The following PTPN23 variants were observed in gnomAD, a reference collection of about 807,000 sequenced individuals.
PTPN23 encodes tyrosine-protein phosphatase non-receptor type 23.
Under a neutral mutation model 156.3 loss-of-function variants are expected in PTPN23, and 72 were observed. The ratio of observed to expected loss-of-function variants is 0.46; its 90% CI spans 0.38 to 0.56. The LOEUF is 0.56. Among genes scored for constraint, PTPN23 ranks in the 20% least tolerant of loss-of-function variants. The pLI, the probability that PTPN23 is intolerant of heterozygous loss-of-function variation, is 0.00. For missense variants in PTPN23, 1,974 were observed against 2,171.5 expected, an observed-to-expected ratio of 0.91 and a Z score of 1.81; for synonymous variants, 957 against 899.6, an observed-to-expected ratio of 1.06 and a Z score of -1.14.
rs1704801974 is a variant in PTPN23 at position 47,392,818 on chromosome 3, G to GA, written c.85-3323dup. ...AAATTTCAAACATATAGAAAAATTG[G>GA]AAGAATAATTCAGTGCTCACCCAAA... On this transcript the variant is annotated intron_variant, in intron 1 of 24. Coordinates refer to ENST00000265562, the MANE Select transcript of PTPN23 (RefSeq NM_015466.4). Among the ~76,000 whole-genome samples, 3 of 152,138 alleles carry GA rather than the reference G, an allele frequency of 2.0e-5. No homozygotes were observed. The South Asian group carries it at 6.2e-4, about 32-fold the overall frequency.
At position 47,409,460 on chromosome 3, in the gene PTPN23, T is replaced by A; in HGVS notation, c.1841T>A (p.Val614Glu). Residue 614 changes from valine (V) to glutamate (E), a missense_variant, in exon 18 of 25, where the codon GTG (valine) becomes GAG (glutamate). Physicochemically the swap from Val to Glu is moderately radical, Grantham distance 121. Transcript: ENST00000265562. The stretch of plus-strand genomic sequence containing the variant: ...CTGAAAAAGTATGACCAGCTGAAGG[T>A]GTACCTGGAGCAGAACCTGGCCGCC... ...EQLKKYDQLK[V>E]YLEQNLAAQD... 1 of 1,614,048 alleles carries A rather than the reference T, an allele frequency of 6.2e-7. No homozygotes were observed.
rs1003495914 is a variant in PTPN23, at chr3:47,409,231, G to A, written c.1711G>A (p.Val571Met). The change falls in exon 17 of 25, where the codon GTG becomes ATG. Residue 571 changes from valine to methionine, a missense_variant. Coordinates refer to ENST00000265562, the MANE Select transcript of PTPN23 (RefSeq NM_015466.4). ...GGTGCAGGAGATGCGGGACCAGCGC[G>A]TGTCCCTGGAGCAGCAGCTGCGTGA... ...AKVQEMRDQR[V>M]SLEQQLRELI... 12 of 1,614,068 alleles carry A rather than the reference G, an allele frequency of 7.4e-6. No homozygotes were observed. The Admixed American group carries it at 1.5e-4, about 20-fold the overall frequency.
At chr3:47,396,302 G>T in intron 2 of PTPN23, 85 bp downstream of exon 2, 1 of 1,180,464 alleles carries the variant, frequency 8.5e-7, no homozygotes, top group South Asian at 1.3e-5. Flanking sequence ...GGCTGGGCAT[G>T]GTGGCTCAAC....
At position 47,410,238 on chromosome 3, in the gene PTPN23, C is replaced by T; in HGVS notation, c.2440C>T (p.Pro814Ser). 2 of 1,611,460 alleles carry T rather than the reference C, an allele frequency of 1.2e-6. No homozygotes were observed. Among genetic ancestry groups the T allele is most frequent in the Non-Finnish European group, 1.7e-6 (2 of 1,178,838 alleles). ...CAGGGCCCCAGGGCCCCATGCAATG[C>T]CCGTAGCACCTGGGCCTGCCCTCTA... ...QPRAPGPHAMPVAPGPALYPA... is the reference protein window; with the variant it reads ...QPRAPGPHAMSVAPGPALYPA... Residue 814 changes from proline (P) to serine (S), a missense_variant, in exon 20 of 25, where the codon CCC becomes TCC. Pro to Ser is a moderately conservative substitution (Grantham distance 74, BLOSUM62 -1). This residue lies in a region of PTPN23 where 731 missense variants were observed against 669.1 expected (regional missense o/e 1.09). Coordinates refer to ENST00000265562, the MANE Select transcript of PTPN23 (RefSeq NM_015466.4).
intron 2 of PTPN23, among the ~76,000 whole-genome samples, chr3:47,401,152 C>T (rs775911886): frequency 1.5e-4 from 23 of 150,868 alleles, no homozygotes; most frequent in Middle Eastern, 3.5e-3. Context: ...CCGCCTGCCT[C>T]GGCCTCCCAA....
At chr3:47,389,611 C>T (rs1051102515) in intron 1 of PTPN23, among the ~76,000 whole-genome samples, 2 of 151,988 alleles carry the variant, frequency 1.3e-5, no homozygotes, top group African/African-American at 4.8e-5. Flanking sequence ...GAGGCCGAGG[C>T]GGGTGGATCA....
chr3:47,409,720 C>G lies in PTPN23; in HGVS notation c.2015C>G (p.Ser672Trp). The change falls in exon 19 of 25, where the codon TCG becomes TGG. Residue 672 changes from serine to tryptophan, a missense_variant. Coordinates refer to ENST00000265562, the MANE Select transcript of PTPN23 (RefSeq NM_015466.4). ...YEAYEDLMKK[S>W]QEGRDFYADL... ...GCCTATGAGGACCTGATGAAGAAGT[C>G]GCAGGAGGGCAGGGACTTCTACGCA... 6.2e-7 allele frequency: 1 copy of G among 1,607,592 alleles called. No individual in the cohort carries two copies. Among genetic ancestry groups the G allele is most frequent in the Non-Finnish European group, 8.5e-7 (1 of 1,179,738 alleles).
Position 47,405,241 on chromosome 3 carries a change from GT to G in PTPN23, c.364+164del. On this transcript the variant is annotated intron_variant, in intron 4 of 24. Coordinates refer to ENST00000265562, the MANE Select transcript of PTPN23 (RefSeq NM_015466.4). The surrounding 1 kb of genome is among the most constrained non-coding windows in gnomAD (Gnocchi z 4.7). The stretch of plus-strand genomic sequence containing the variant: ...CCACAGCCCTGCCAGCTCCTCCACT[GT>G]TTTCTGGGCTGGGCCCGTGGGGAGC... 2.9e-6 allele frequency: 2 copies of G among 687,162 alleles called. No homozygotes were observed. Among genetic ancestry groups the G allele is most frequent in the Non-Finnish European group, 5.1e-6 (2 of 395,744 alleles). The allele number at this position is 687,162 out of a possible 1,614,324, so 42.6% of individuals were successfully genotyped here. A position where few individuals can be genotyped will look rare whatever the true frequency, so the allele number is the denominator to read the frequency against.
rs142711184 is a variant in PTPN23, at chr3:47,412,533, A to G, written c.4337A>G (p.Tyr1446Cys). 3.2e-4 allele frequency: 521 copies of G among 1,613,384 alleles called. No homozygotes were observed. Among genetic ancestry groups the G allele is most frequent in the Non-Finnish European group, 4.2e-4 (490 of 1,179,962 alleles). The change falls in exon 24 of 25, where the codon TAT becomes TGT. Residue 1446 changes from tyrosine to cysteine, a missense_variant. This residue lies in a region of PTPN23 where 484 missense variants were observed against 516.0 expected (regional missense o/e 0.94). Transcript: ENST00000265562. Reference protein sequence around the residue: ...LQEKLHLRFCYEAVVRHVEQV... With the variant: ...LQEKLHLRFCCEAVVRHVEQV... The stretch of plus-strand genomic sequence containing the variant: ...GTGCAGCTGCACCTCAGGTTCTGCT[A>G]TGAGGCAGTGGTGAGACACGTGGAG...
At position 47,407,323 on chromosome 3, in the gene PTPN23, TGTGCAAGAC is replaced by T; in HGVS notation, c.881_889del (p.Val294_Asp296del). On this transcript the variant is annotated inframe_deletion, in exon 11 of 25. Transcript: ENST00000265562. The surrounding 1 kb of genome is among the most constrained non-coding windows in gnomAD (Gnocchi z 4.0). ...TAACCCCACAGGGCCAGCCTGACAC[TGTGCAAGAC>T]GCGCTTCGCTTCACTATGGATGTCA... The T allele has an allele frequency of 6.2e-7, 1 of 1,613,930 alleles. No individual in the cohort carries two copies. Among genetic ancestry groups the T allele is most frequent in the Non-Finnish European group, 8.5e-7 (1 of 1,179,926 alleles).
chr3:47,387,387 C>G (rs1053479957), intron 1 of PTPN23, among the ~76,000 whole-genome samples: 1 of 101,376 alleles, frequency 9.9e-6, no homozygotes, highest in Non-Finnish European at 1.9e-5. Flanking sequence ...GGCAACAAAG[C>G]AAGACCCTGT....
In PTPN23 at chr3:47,396,380, G is replaced by C. The variant is rs761594483; in HGVS notation, c.159+163G>C. ...ATTTGAGGTCAGGAGTTTGAGACCA[G>C]CCTGGCCAACATGGTGAAACCCCAT... On this transcript the variant is annotated intron_variant, in intron 2 of 24. Transcript: ENST00000265562. 28 of 451,186 alleles carry C rather than the reference G, an allele frequency of 6.2e-5. No individual in the cohort carries two copies. The Middle Eastern group carries it at 2.8e-3, about 44-fold the overall frequency. 27.9% of individuals were successfully genotyped at this position (451,186 alleles called of 1,614,324 possible).
intron 3 of PTPN23, 68 bp from the exon 4 acceptor site, chr3:47,404,937 C>A (rs752748504): frequency 3.7e-6 from 6 of 1,601,036 alleles, no homozygotes; most frequent in Non-Finnish European, 5.1e-6. Flanking sequence ...GGTGTTTAGT[C>A]CCCTTACCTA....
In PTPN23 at chr3:47,410,983, C is replaced by G. The variant is rs1576231478; in HGVS notation, c.3185C>G (p.Pro1062Arg). 6.8e-6 allele frequency: 11 copies of G among 1,607,192 alleles called. No homozygotes were observed. Among genetic ancestry groups the G allele is most frequent in the African/African-American group, 5.3e-5 (4 of 74,932 alleles). ...GCCCCTTCTACCAGACCCATGGGCC[C>G]CCAGGCAGCCCCTCTTACCATTCGA... is the stretch of plus-strand genomic sequence containing the variant. ...GPAPSTRPMG[P>R]QAAPLTIRGP... Residue 1062 changes from proline (P) to arginine (R), a missense_variant, in exon 20 of 25, where the codon CCC (proline) becomes CGC (arginine). Transcript: ENST00000265562.
At position 47,406,256 on chromosome 3, in the gene PTPN23, A is replaced by G; in HGVS notation, c.547-69A>G. 1 of 1,569,560 alleles carries G rather than the reference A, an allele frequency of 6.4e-7. No homozygotes were observed. The highest frequency in any genetic ancestry group is 8.7e-7 in the Non-Finnish European group (1 of 1,147,046). ...GGGATCCCTCAGTCTGCCCCTGGGG[A>G]AGGATAAAGGGAAGGGGAAGCGGGA... is the stretch of plus-strand genomic sequence containing the variant. On this transcript the variant is annotated intron_variant, in intron 6 of 24. Transcript: ENST00000265562. This position sits in a 1 kb window ranked among gnomAD's most constrained non-coding sequence, Gnocchi z 5.8.
chr3:47,398,357 G>C (rs1704922304), intron 2 of PTPN23, among the ~76,000 whole-genome samples: 1 of 152,022 alleles, frequency 6.6e-6, no homozygotes, highest in Admixed American at 6.6e-5. Context: ...ACTGAGATAG[G>C]CCAAAAGCTA....
chr3:47,412,240 G>C (rs1705324091), intron 22 of PTPN23, 42 bp downstream of exon 22: 1 of 1,613,080 alleles, frequency 6.2e-7, no homozygotes, highest in South Asian at 1.1e-5. Context: ...TGGGCTCTTG[G>C]CCTAGCCTCA....
intron 2 of PTPN23, among the ~76,000 whole-genome samples, chr3:47,397,801 C>T (rs62248580): frequency 0.34 from 52,243 of 151,910 alleles, 9,219 homozygotes; most frequent in Middle Eastern, 0.43. Context: ...TCCTAAGTAG[C>T]TGGGACTACA....
rs1480279673 is a variant in PTPN23, at chr3:47,412,433, G to A, written c.4317+12G>A. 1.9e-6 allele frequency: 3 copies of A among 1,612,540 alleles called. No homozygotes were observed. Among genetic ancestry groups the A allele is most frequent in the African/African-American group, 2.7e-5 (2 of 75,040 alleles). The stretch of plus-strand genomic sequence containing the variant: ...TGCTGCAGGAGAAGGTGAGGATCTG[G>A]GCAGATGGGGCTGGGATGGGCCTTC... On this transcript the variant is annotated intron_variant, in intron 23 of 24. Coordinates refer to ENST00000265562, the MANE Select transcript of PTPN23 (RefSeq NM_015466.4).
Sources: allele counts gnomAD v4.1 joint callset (sites outside exome capture counted in the v4.1 genomes callset), GRCh38; gene constraint gnomAD v4.1.1; regional missense constraint gnomAD v4.1.1; non-coding constraint Gnocchi (gnomAD v3.1); transcripts MANE v1.5; gene names NCBI Gene and HGNC (gene_info 2026-07-23, HGNC 2026-07-21).